The following ZFAT variants were observed in gnomAD, a reference collection of about 807,000 sequenced individuals.
The protein encoded by ZFAT is zinc finger and AT-hook domain containing, also known as zinc finger protein ZFAT.
A neutral mutation model predicts 117.7 loss-of-function variants in ZFAT; 64 were observed. The ratio of observed to expected loss-of-function variants is 0.54; its 90% CI spans 0.44 to 0.67. The LOEUF (loss-of-function observed/expected upper bound fraction) is 0.67, where lower values mean the gene tolerates loss of function less well. Ranked by LOEUF, ZFAT falls within the 30% of genes least tolerant of loss-of-function variation. ZFAT has a pLI of 0.00. For synonymous variants in ZFAT, 679 were observed against 615.0 expected (o/e 1.10, Z -1.54); for missense variants, 1,433 against 1,584.5 (o/e 0.90, Z 1.62).
chr8:134,590,523 T>TCACCCACCAC (rs1426260148), intron 7 of ZFAT, among the ~76,000 whole-genome samples, 168 bp from the exon 8 acceptor site: 1 of 144,304 alleles, frequency 6.9e-6, no homozygotes, highest in Non-Finnish European at 1.5e-5. Context: ...AATACCATCA[T>TCACCCACCAC]CACCACCACT....
chr8:134,485,237 C>T (rs1482568067), intron 15 of ZFAT, among the ~76,000 whole-genome samples: 5 of 152,170 alleles, frequency 3.3e-5, no homozygotes, highest in Non-Finnish European at 7.3e-5. Context: ...CCCCCTGCTC[C>T]GCCTGGCCTC....
the ZFAT span, chr8:134,804,801 T>C: frequency 2.0e-6 from 1 of 504,968 alleles, no homozygotes; most frequent in African/African-American, 2.0e-5. Flanking sequence ...TTCTGAGGTT[T>C]TCCCACACAT....
chr8:134,688,011 A>T (rs923127960), intron 1 of ZFAT, among the ~76,000 whole-genome samples: 1 of 152,136 alleles, frequency 6.6e-6, no homozygotes, highest in Non-Finnish European at 1.5e-5. Context: ...GTGTGACTGG[A>T]GCCACCTTTC....
At chr8:134,700,287 G>C (rs1443670988) in intron 1 of ZFAT, among the ~76,000 whole-genome samples, 1 of 152,254 alleles carries the variant, frequency 6.6e-6, no homozygotes, top group African/African-American at 2.4e-5. Context: ...TCCAAAGCCA[G>C]TGCTATTTCC....
intron 1 of ZFAT, among the ~76,000 whole-genome samples, chr8:134,674,385 C>T (rs1462386674): frequency 6.6e-6 from 1 of 152,216 alleles, no homozygotes; most frequent in Non-Finnish European, 1.5e-5. Flanking sequence ...AGTCTGAGGC[C>T]AACCTGGGAT....
chr8:134,519,235 G>T (rs1274893328), intron 13 of ZFAT, among the ~76,000 whole-genome samples: 2 of 151,860 alleles, frequency 1.3e-5, no homozygotes, highest in African/African-American at 4.8e-5. Context: ...TACTTTCAGG[G>T]GAATTAACAT....
At chr8:134,538,796 C>CAAAAAAA (rs35209102) in intron 11 of ZFAT, among the ~76,000 whole-genome samples, 6 of 105,060 alleles carry the variant, frequency 5.7e-5, no homozygotes, top group Non-Finnish European at 4.0e-5. Flanking sequence ...GACCCTGTCA[C>CAAAAAAA]AAAAAAAAAA....
At chr8:134,673,730 C>T (rs1832664478) in intron 1 of ZFAT, among the ~76,000 whole-genome samples, 2 of 151,786 alleles carry the variant, frequency 1.3e-5, no homozygotes, top group Admixed American at 1.3e-4. Flanking sequence ...GCTCTACTTA[C>T]TGATTTGATC....
intron 11 of ZFAT, among the ~76,000 whole-genome samples, chr8:134,563,398 C>G (rs1824191832): frequency 6.6e-6 from 1 of 152,236 alleles, no homozygotes; most frequent in Non-Finnish European, 1.5e-5. Context: ...AGCTTCTTCA[C>G]TTCCTGGATA....
At chr8:134,695,765 C>A (rs1219623488) in intron 1 of ZFAT, among the ~76,000 whole-genome samples, 9 of 150,136 alleles carry the variant, frequency 6.0e-5, no homozygotes, top group Non-Finnish European at 1.2e-4. Context: ...TGGCACCACC[C>A]CCTAGGCCTC....
intron 10 of ZFAT, among the ~76,000 whole-genome samples, chr8:134,569,521 A>G (rs1824723547): frequency 6.6e-6 from 1 of 152,168 alleles, no homozygotes. Flanking sequence ...CTGCCCAAGA[A>G]GAGCCAGTTG....
chr8:134,649,145 T>A (rs914558076), intron 2 of ZFAT, among the ~76,000 whole-genome samples: 4 of 147,304 alleles, frequency 2.7e-5, no homozygotes, highest in Admixed American at 1.4e-4. Flanking sequence ...TTCCTTAACC[T>A]AATGAAGAAC....
the ZFAT span, among the ~76,000 whole-genome samples, chr8:134,726,945 G>A: frequency 3.9e-4 from 59 of 152,164 alleles, no homozygotes; most frequent in Middle Eastern, 6.8e-3. Flanking sequence ...CCCTGGCACT[G>A]GCTGTGATCA....
the ZFAT span, among the ~76,000 whole-genome samples, chr8:134,722,649 G>C: frequency 6.6e-6 from 1 of 152,220 alleles, no homozygotes; most frequent in African/African-American, 2.4e-5. Context: ...AAGCAGAGGA[G>C]GGGAGGGAGT....
At position 134,601,706 on chromosome 8, in the gene ZFAT, G is replaced by T. The variant is rs1827478867; in HGVS notation, c.2013C>A (p.Ser671Arg). 2 of 1,613,368 alleles carry T rather than the reference G, an allele frequency of 1.2e-6. No homozygotes were observed. The highest frequency in any genetic ancestry group is 1.7e-6 in the Non-Finnish European group (2 of 1,179,522). Residue 671 changes from serine to arginine, a missense_variant, in exon 6 of 16, where the codon AGC becomes AGA. Ser to Arg is a moderately radical substitution (Grantham distance 110). Transcript: ENST00000377838. ...AVLSAGDPDP[S>R]RCLRSNPAEA... ...CAGCTGGGTTTGACCTGAGACACCT[G>T]CTGGGATCTGGGTCACCAGCTGAAA...
intron 1 of ZFAT, among the ~76,000 whole-genome samples, chr8:134,669,176 C>G (rs147880574): frequency 6.6e-6 from 1 of 152,324 alleles, no homozygotes; most frequent in Middle Eastern, 3.4e-3. Context: ...GGAAAACACT[C>G]TGCAGGATAT....
intron 11 of ZFAT, among the ~76,000 whole-genome samples, chr8:134,542,468 C>A (rs1467314733): frequency 6.6e-6 from 1 of 152,230 alleles, no homozygotes; most frequent in Non-Finnish European, 1.5e-5. Context: ...CACCCTCAAG[C>A]AGGCCCCAGT....
In ZFAT at chr8:134,649,460, T is replaced by TA. The variant is rs143953853; in HGVS notation, c.196+8100dup. On this transcript the variant is annotated intron_variant, in intron 2 of 15. Coordinates refer to ENST00000377838, the MANE Select transcript of ZFAT (RefSeq NM_020863.4). The stretch of plus-strand genomic sequence containing the variant: ...ATAAACAAGTTTTTAGAAGTTTTTT[T>TA]AAAAAACTAATAAACAAGTTCACAA... Among the ~76,000 whole-genome samples the TA allele has an allele frequency of 3.7e-4, 57 of 152,270 alleles. No individual in the cohort carries two copies. The East Asian group carries it at 6.8e-3, about 18-fold the overall frequency.
At position 134,683,588 on chromosome 8, in the gene ZFAT, G is replaced by A. The variant is rs539907459; in HGVS notation, c.20-25851C>T. On this transcript the variant is annotated intron_variant, in intron 1 of 15. Coordinates refer to ENST00000377838, the MANE Select transcript of ZFAT (RefSeq NM_020863.4). The stretch of plus-strand genomic sequence containing the variant: ...AGTGGAAGCCACACAGCCAGTGGGG[G>A]CAGAACCAAGAGCCTTGCCTGTTGG... Among the ~76,000 whole-genome samples the A allele has an allele frequency of 9.2e-5, 14 of 152,300 alleles. 2 individuals carry two copies. The highest frequency in any genetic ancestry group is 3.4e-3 in the Middle Eastern group (1 of 294).
Sources: allele counts gnomAD v4.1 joint callset (sites outside exome capture counted in the v4.1 genomes callset), GRCh38; gene constraint gnomAD v4.1.1; transcripts MANE v1.5; gene names NCBI Gene and HGNC (gene_info 2026-07-23, HGNC 2026-07-21).